Variants in TBC1D15 observed in about 807,000 individuals in gnomAD.
The protein encoded by TBC1D15 is GAP for RAB7.
In TBC1D15, 39 loss-of-function variants were observed where a neutral mutation model predicts 95.4. That is an observed-to-expected ratio of 0.41 (90% CI 0.32 to 0.53). TBC1D15 has a LOEUF of 0.53. Among genes scored for constraint, TBC1D15 ranks in the 20% least tolerant of loss-of-function variants. TBC1D15 has a pLI of 0.29. For missense variants in TBC1D15, 733 were observed against 794.3 expected (o/e 0.92, Z 0.93); for synonymous variants, 258 against 261.3 (o/e 0.99, Z 0.12).
In TBC1D15 at chr12:71,923,334, C is replaced by A; in HGVS notation, c.*130C>A. 1 of 762,514 alleles carries A rather than the reference C, an allele frequency of 1.3e-6. No individual in the cohort carries two copies. Among genetic ancestry groups the A allele is most frequent in the Admixed American group, 2.8e-5 (1 of 36,304 alleles). 47.2% of individuals were successfully genotyped at this position (762,514 alleles called of 1,614,324 possible). A position where few individuals can be genotyped will look rare whatever the true frequency, so the allele number is the denominator to read the frequency against. ...TATGTAAAGAAAGTGTACTGATGTT[C>A]TTACATTAAAGCTTTACAAAGATTT... is the stretch of plus-strand genomic sequence containing the variant. On this transcript the variant is annotated 3_prime_UTR_variant, in exon 17 of 17. Coordinates refer to ENST00000485960, the MANE Select transcript of TBC1D15 (RefSeq NM_001146213.3).
chr12:71,869,500 G>A (rs971498432), intron 1 of TBC1D15, among the ~76,000 whole-genome samples: 3 of 152,120 alleles, frequency 2.0e-5, no homozygotes, highest in African/African-American at 7.2e-5. Context: ...TCCAGCCTGG[G>A]CAACAGAGCA....
intron 4 of TBC1D15, among the ~76,000 whole-genome samples, chr12:71,883,709 T>A (rs1895672073): frequency 6.6e-6 from 1 of 152,086 alleles, no homozygotes. Flanking sequence ...TTAATAAAGG[T>A]CTTGAGTAGC....
intron 5 of TBC1D15, among the ~76,000 whole-genome samples, chr12:71,889,983 T>C (rs1160555590): frequency 6.6e-6 from 1 of 152,222 alleles, no homozygotes; most frequent in Non-Finnish European, 1.5e-5. Flanking sequence ...TCATTCTTTT[T>C]ATGGCTGCGT....
At chr12:71,885,192 G>A (rs923733992) in intron 5 of TBC1D15, among the ~76,000 whole-genome samples, 171 bp downstream of exon 5, 1 of 152,096 alleles carries the variant, frequency 6.6e-6, no homozygotes, top group Non-Finnish European at 1.5e-5. Flanking sequence ...GAATAATATT[G>A]TGTTATTTTA....
At chr12:71,921,626 A>G (rs941900495) in intron 16 of TBC1D15, among the ~76,000 whole-genome samples, 172 bp downstream of exon 16, 1 of 152,244 alleles carries the variant, frequency 6.6e-6, no homozygotes, top group African/African-American at 2.4e-5. Context: ...AATTGAAAAC[A>G]GTTGACTATG....
At chr12:71,849,800 A>T (rs1887305864) in intron 1 of TBC1D15, 2 of 547,360 alleles carry the variant, frequency 3.7e-6, no homozygotes, top group Non-Finnish European at 7.1e-6. Context: ...TGAAAATTTT[A>T]ATATCTGTTT....
chr12:71,864,922 T>C (rs913382373), intron 1 of TBC1D15, among the ~76,000 whole-genome samples: 5 of 152,214 alleles, frequency 3.3e-5, no homozygotes, highest in African/African-American at 1.2e-4. Flanking sequence ...CAGCAATAAT[T>C]GTGGGCACCT....
At chr12:71,865,437 T>C (rs1360425479) in intron 1 of TBC1D15, among the ~76,000 whole-genome samples, 1 of 152,100 alleles carries the variant, frequency 6.6e-6, no homozygotes, top group African/African-American at 2.4e-5. Context: ...GGTTCAGTGG[T>C]AACGTGGATC....
rs1240684515 is a variant in TBC1D15 at position 71,880,550 on chromosome 12, G to A, written c.286G>A (p.Ala96Thr). The change falls in exon 4 of 17, where the codon GCA (alanine) becomes ACA (threonine). Residue 96 changes from alanine to threonine, a missense_variant. Coordinates refer to ENST00000485960, the MANE Select transcript of TBC1D15 (RefSeq NM_001146213.3). ...ATCAGAACATCTGAACAGTTACGAA[G>A]CAGAATGGGACATGGTTAATACAGT... is the stretch of plus-strand genomic sequence containing the variant. ...RGSEHLNSYE[A>T]EWDMVNTVSF... is the part of the protein sequence containing the mutation. 1.2e-6 allele frequency: 2 copies of A among 1,613,540 alleles called. No individual in the cohort carries two copies. Among genetic ancestry groups the A allele is most frequent in the South Asian group, 2.2e-5 (2 of 90,982 alleles).
At chr12:71,877,930 A>G (rs1009068253) in intron 3 of TBC1D15, among the ~76,000 whole-genome samples, 17 of 152,252 alleles carry the variant, frequency 1.1e-4, no homozygotes, top group African/African-American at 4.1e-4. Flanking sequence ...ATATTTAACA[A>G]ATTTAAGAGC....
Position 71,885,070 on chromosome 12 carries a change from A to G in TBC1D15, c.554+49A>G. On this transcript the variant is annotated intron_variant, in intron 5 of 16. Coordinates refer to ENST00000485960, the MANE Select transcript of TBC1D15 (RefSeq NM_001146213.3). The stretch of plus-strand genomic sequence containing the variant: ...TTATTGAAACCAGATCATTGTATTA[A>G]TCCCAAAGCAAACTATTTTTACTTG... 1.9e-6 allele frequency: 3 copies of G among 1,577,934 alleles called. No homozygotes were observed. In the South Asian group the frequency reaches 3.3e-5, roughly 18 times the overall value.
At chr12:71,868,240 CTTTTTTTT>C (rs771782876) in intron 1 of TBC1D15, among the ~76,000 whole-genome samples, 2 of 132,380 alleles carry the variant, frequency 1.5e-5, no homozygotes, top group Admixed American at 7.5e-5. Flanking sequence ...GCAGCTTTGA[CTTTTTTTT>C]TTTTTTTTTT....
chr12:71,871,341 CTGTT>C (rs1406486481), intron 1 of TBC1D15, among the ~76,000 whole-genome samples: 2 of 152,074 alleles, frequency 1.3e-5, no homozygotes, highest in East Asian at 1.9e-4. Flanking sequence ...CATCACTACT[CTGTT>C]TATTTTTGTT....
At chr12:71,861,276 A>G (rs1365723307) in intron 1 of TBC1D15, 1 of 443,766 alleles carries the variant, frequency 2.3e-6, no homozygotes, top group African/African-American at 2.0e-5. Flanking sequence ...TTTGGGAAGA[A>G]TTGACATTTG....
chr12:71,893,373 A>G (rs755250231), intron 6 of TBC1D15, 49 bp downstream of exon 6: 2 of 1,363,438 alleles, frequency 1.5e-6, no homozygotes, highest in Non-Finnish European at 2.1e-6. Flanking sequence ...ATTATTTTAT[A>G]TACCCTGTAC....
intron 1 of TBC1D15, among the ~76,000 whole-genome samples, chr12:71,871,631 G>A (rs1260002192): frequency 1.3e-5 from 2 of 152,258 alleles, no homozygotes; most frequent in Middle Eastern, 3.4e-3. Flanking sequence ...TGTCCAGGCT[G>A]GAGTGCAGTG....
chr12:71,857,509 A>C (rs1327923157), intron 1 of TBC1D15, among the ~76,000 whole-genome samples: 1 of 152,250 alleles, frequency 6.6e-6, no homozygotes, highest in Non-Finnish European at 1.5e-5. Context: ...AGAGTAATTA[A>C]GAAATATCTT....
intron 1 of TBC1D15, among the ~76,000 whole-genome samples, chr12:71,842,980 GA>G (rs1266417266): frequency 2.0e-5 from 3 of 151,822 alleles, no homozygotes; most frequent in Non-Finnish European, 4.4e-5. Flanking sequence ...TAGTGTATTA[GA>G]ATTTCTTTCT....
rs377562081 is a variant in TBC1D15 at position 71,922,986 on chromosome 12, T to C, written c.1807T>C (p.Leu603=). 73 of 1,613,754 alleles carry C rather than the reference T, an allele frequency of 4.5e-5. No homozygotes were observed. The highest frequency in any genetic ancestry group is 6.7e-5 in the East Asian group (3 of 44,894). Reference sequence around the variant, plus strand: ...GAGTTTGATTTTTCATATCCAGGAATTGCCACAAGCAGTCTGTGAGATCCT... The same window carrying C: ...GAGTTTGATTTTTCATATCCAGGAACTGCCACAAGCAGTCTGTGAGATCCT... ...ISLQMVKCKE[L]PQAVCEILGL... Residue 603 remains leucine (L), a synonymous_variant, in exon 17 of 17, where the codon TTG becomes CTG. Transcript: ENST00000485960.
Sources: gnomAD v4.1 joint callset for allele counts (sites outside exome capture counted in the v4.1 genomes callset) on GRCh38, gnomAD v4.1.1 for gene constraint, MANE v1.5 for transcripts, NCBI Gene and HGNC (gene_info 2026-07-23, HGNC 2026-07-21) for gene names.